Variants in PDGFC observed in about 807,000 individuals in gnomAD.
PDGFC encodes platelet derived growth factor C.
Under a neutral mutation model 35.5 loss-of-function variants are expected in PDGFC, and 12 were observed. The observed-to-expected ratio is 0.34, with a 90% confidence interval of 0.22 to 0.55. The LOEUF is 0.55. PDGFC is among the 20% of genes least tolerant of loss of function. The pLI is 0.91. For synonymous variants in PDGFC, 159 were observed against 148.8 expected, an observed-to-expected ratio of 1.07 and a Z score of -0.50; for missense variants, 322 against 412.4, an observed-to-expected ratio of 0.78 and a Z score of 1.90.
intron 2 of PDGFC, among the ~76,000 whole-genome samples, chr4:156,823,547 A>G (rs949552236): frequency 6.6e-6 from 1 of 152,218 alleles, no homozygotes; most frequent in African/African-American, 2.4e-5. Flanking sequence ...CCTCATGCAA[A>G]GATCACTACT....
chr4:156,858,517 T>C, intron 1 of PDGFC, among the ~76,000 whole-genome samples: 1 of 152,064 alleles, frequency 6.6e-6, no homozygotes, highest in East Asian at 1.9e-4. Context: ...ATAAGTTTTT[T>C]ACTCTGTTAA....
intron 2 of PDGFC, among the ~76,000 whole-genome samples, chr4:156,825,569 T>G (rs1304503375): frequency 3.6e-4 from 32 of 89,762 alleles, no homozygotes; most frequent in African/African-American, 1.7e-3. Flanking sequence ...ATAATAATAA[T>G]AATAATAATA....
chr4:156,926,404 AG>A (rs1731414184), intron 1 of PDGFC, among the ~76,000 whole-genome samples: 1 of 152,142 alleles, frequency 6.6e-6, no homozygotes. Context: ...AGATAAAGGC[AG>A]GGTCCCTGGC....
chr4:156,810,772 G>A (rs888221982), intron 3 of PDGFC, 65 bp downstream of exon 3: 3 of 1,012,976 alleles, frequency 3.0e-6, no homozygotes, highest in Non-Finnish European at 4.4e-6. Flanking sequence ...TGTGTAAGAG[G>A]AGAAAAATAA....
At chr4:156,945,334 T>A (rs1249187132) in intron 1 of PDGFC, among the ~76,000 whole-genome samples, 4 of 85,112 alleles carry the variant, frequency 4.7e-5, no homozygotes, top group African/African-American at 1.4e-4. Context: ...TATATATACA[T>A]ATACATACAT....
rs191108545 is a variant in PDGFC at position 156,844,974 on chromosome 4, G to A, written c.314+5247C>T. On this transcript the variant is annotated intron_variant, in intron 2 of 5. Coordinates refer to ENST00000502773, the MANE Select transcript of PDGFC (RefSeq NM_016205.3). ...CATAAATACACTACTGCAAAAACATGCATTCTTTGAACAAAGAATATTTGA... is the reference window on the plus strand; with the variant it reads ...CATAAATACACTACTGCAAAAACATACATTCTTTGAACAAAGAATATTTGA... Among the ~76,000 whole-genome samples the A allele has an allele frequency of 4.6e-5, 7 of 151,928 alleles. No individual in the cohort carries two copies. The East Asian group carries it at 1.4e-3, about 29-fold the overall frequency.
intron 2 of PDGFC, among the ~76,000 whole-genome samples, chr4:156,840,772 C>T (rs537136270): frequency 6.6e-5 from 10 of 152,296 alleles, no homozygotes; most frequent in Admixed American, 3.3e-4. Flanking sequence ...TGCGAGTTCA[C>T]GTCTTGCATC....
In PDGFC at chr4:156,851,126, G is replaced by T. The variant is rs566482079; in HGVS notation, c.119-710C>A. Among the ~76,000 whole-genome samples the T allele has an allele frequency of 2.3e-3, 347 of 151,916 alleles. 4 individuals carry two copies. The highest frequency in any genetic ancestry group is 7.2e-4 in the Non-Finnish European group (49 of 67,900). On this transcript the variant is annotated intron_variant, in intron 1 of 5. Coordinates refer to ENST00000502773, the MANE Select transcript of PDGFC (RefSeq NM_016205.3). ...CTCATTATTTGGACCCATAACTTCT[G>T]GGAAAAACAAAAAAGGTATGCAATA...
chr4:156,867,406 A>T (rs954230830), intron 1 of PDGFC, among the ~76,000 whole-genome samples: 1 of 152,180 alleles, frequency 6.6e-6, no homozygotes, highest in Non-Finnish European at 1.5e-5. Context: ...AAACTAAGTG[A>T]CTTTTAAAAG....
intron 2 of PDGFC, among the ~76,000 whole-genome samples, chr4:156,833,979 G>A (rs772248777): frequency 9.9e-5 from 15 of 152,162 alleles, no homozygotes; most frequent in Non-Finnish European, 2.1e-4. Flanking sequence ...TAACTTGAGA[G>A]CATCAGAAAA....
chr4:156,948,204 G>A (rs1222743363), intron 1 of PDGFC, among the ~76,000 whole-genome samples: 2 of 150,104 alleles, frequency 1.3e-5, no homozygotes, highest in African/African-American at 4.9e-5. Flanking sequence ...GCTCAAGAGG[G>A]GATGTACAGC....
intron 1 of PDGFC, among the ~76,000 whole-genome samples, chr4:156,928,217 C>A (rs1318151805): frequency 2.0e-5 from 3 of 152,016 alleles, no homozygotes; most frequent in Non-Finnish European, 2.9e-5. Context: ...AGAGCTAAAC[C>A]ATGTCAGTAG....
chr4:156,804,359 A>C (rs1057462705), intron 3 of PDGFC, among the ~76,000 whole-genome samples: 1 of 152,050 alleles, frequency 6.6e-6, no homozygotes, highest in African/African-American at 2.4e-5. Flanking sequence ...GACCAAGAAA[A>C]TGAGGATCTC....
intron 3 of PDGFC, among the ~76,000 whole-genome samples, chr4:156,803,258 A>G (rs1176409667): frequency 2.0e-5 from 3 of 152,218 alleles, no homozygotes; most frequent in Non-Finnish European, 1.5e-5. Context: ...AGTGATGAAT[A>G]TAAAAGCTAA....
chr4:156,888,402 A>G (rs1048408673), intron 1 of PDGFC, among the ~76,000 whole-genome samples: 3 of 152,228 alleles, frequency 2.0e-5, no homozygotes, highest in Admixed American at 2.0e-4. Context: ...CTGAGCAATT[A>G]CAATTTAATT....
intron 1 of PDGFC, among the ~76,000 whole-genome samples, chr4:156,881,571 A>G (rs1730242637): frequency 1.3e-5 from 2 of 152,040 alleles, no homozygotes; most frequent in Non-Finnish European, 2.9e-5. Context: ...CTGATGGCTT[A>G]AAAAATGGGA....
intron 1 of PDGFC, among the ~76,000 whole-genome samples, chr4:156,931,851 TTAGG>T (rs1241666248): frequency 6.6e-6 from 1 of 152,150 alleles, no homozygotes; most frequent in African/African-American, 2.4e-5. Flanking sequence ...AACAGAAAAC[TTAGG>T]TAGTGGAATG....
intron 3 of PDGFC, among the ~76,000 whole-genome samples, chr4:156,798,192 AAAAACAAAAC>A (rs775598483): frequency 4.6e-5 from 7 of 152,196 alleles, no homozygotes; most frequent in Admixed American, 2.6e-4. Context: ...ACTCCGTCAC[AAAAACAAAAC>A]AAAACAAAAC....
chr4:156,915,094 A>AT (rs1731127712), intron 1 of PDGFC, among the ~76,000 whole-genome samples: 1 of 152,168 alleles, frequency 6.6e-6, no homozygotes, highest in South Asian at 2.1e-4. Context: ...AAATGCTGCT[A>AT]AAGTCCTAGA....
Sources: allele counts gnomAD v4.1 joint callset (sites outside exome capture counted in the v4.1 genomes callset), GRCh38; gene constraint gnomAD v4.1.1; transcripts MANE v1.5; gene names NCBI Gene and HGNC (gene_info 2026-07-23, HGNC 2026-07-21).